Variants in RPS6KC1 observed in about 807,000 individuals in gnomAD.
The protein encoded by RPS6KC1 is ribosomal protein S6 kinase C1.
In RPS6KC1, 54 loss-of-function variants were observed where a neutral mutation model predicts 103.8. The ratio of observed to expected loss-of-function variants is 0.52; its 90% CI spans 0.42 to 0.65. The LOEUF (loss-of-function observed/expected upper bound fraction) is 0.65, where lower values mean the gene tolerates loss of function less well. Among genes scored for constraint, RPS6KC1 ranks in the 30% least tolerant of loss-of-function variants. The pLI, the probability that RPS6KC1 is intolerant of heterozygous loss-of-function variation, is 0.00. For missense variants in RPS6KC1, 1,151 were observed against 1,253.8 expected, an observed-to-expected ratio of 0.92 and a Z score of 1.24; for synonymous variants, 439 against 438.7, an observed-to-expected ratio of 1.00 and a Z score of -0.01.
the RPS6KC1 span, among the ~76,000 whole-genome samples, chr1:213,713,480 C>T: frequency 6.6e-6 from 1 of 152,142 alleles, no homozygotes; most frequent in Non-Finnish European, 1.5e-5. Context: ...TTGTTCATTG[C>T]TTATCAACAT....
chr1:213,097,366 A>T (rs1167550678), intron 3 of RPS6KC1, among the ~76,000 whole-genome samples: 1 of 152,208 alleles, frequency 6.6e-6, no homozygotes, highest in African/African-American at 2.4e-5. Context: ...AATTTTTTTG[A>T]AAGGAATCTT....
intron 6 of RPS6KC1, among the ~76,000 whole-genome samples, chr1:213,138,854 C>T (rs772589444): frequency 3.9e-5 from 6 of 152,116 alleles, no homozygotes; most frequent in Non-Finnish European, 8.8e-5. Context: ...TAATTTGTAT[C>T]TTTGAGCATA....
chr1:213,209,205 C>T (rs1330054907), intron 8 of RPS6KC1, among the ~76,000 whole-genome samples: 1 of 152,144 alleles, frequency 6.6e-6, no homozygotes, highest in East Asian at 1.9e-4. Flanking sequence ...GTTGTTTTCT[C>T]TCAGTAGCCC....
the RPS6KC1 span, among the ~76,000 whole-genome samples, chr1:213,661,453 C>T: frequency 6.6e-6 from 1 of 152,210 alleles, no homozygotes; most frequent in African/African-American, 2.4e-5. Flanking sequence ...CAAAGAGGCA[C>T]TGACCTCGCC....
intron 6 of RPS6KC1, among the ~76,000 whole-genome samples, chr1:213,151,171 T>C (rs2088774036): frequency 8.1e-6 from 1 of 123,620 alleles, no homozygotes. Context: ...GGCGGGGGGC[T>C]GACCCCCCCA....
At chr1:213,317,696 T>C in the RPS6KC1 span, among the ~76,000 whole-genome samples, 1 of 152,186 alleles carries the variant, frequency 6.6e-6, no homozygotes, top group Non-Finnish European at 1.5e-5. Flanking sequence ...GAGTGTGGCA[T>C]TGAGCTAAAA....
chr1:213,857,579 A>T, the RPS6KC1 span, among the ~76,000 whole-genome samples: 1 of 152,294 alleles, frequency 6.6e-6, no homozygotes, highest in East Asian at 1.9e-4. Context: ...GTGGAGTGCA[A>T]CCACTAGGCT....
At chr1:213,758,503 G>A in the RPS6KC1 span, among the ~76,000 whole-genome samples, 15 of 151,736 alleles carry the variant, frequency 9.9e-5, no homozygotes, top group Non-Finnish European at 1.9e-4. Flanking sequence ...ACTTGAACCC[G>A]GGAGGCGGAA....
chr1:213,450,358 C>T, the RPS6KC1 span, among the ~76,000 whole-genome samples: 1 of 149,746 alleles, frequency 6.7e-6, no homozygotes, highest in Non-Finnish European at 1.5e-5. Flanking sequence ...TTTGGATAAC[C>T]ATATTAAATT....
chr1:213,701,147 A>C, the RPS6KC1 span, among the ~76,000 whole-genome samples: 2 of 151,916 alleles, frequency 1.3e-5, no homozygotes, highest in African/African-American at 4.8e-5. Context: ...CTCAGAGAAA[A>C]GGCCTTTAGT....
chr1:213,672,628 A>G, the RPS6KC1 span, among the ~76,000 whole-genome samples: 1 of 152,090 alleles, frequency 6.6e-6, no homozygotes, highest in East Asian at 1.9e-4. Context: ...TCATCATTCT[A>G]GAGTTTTACT....
the RPS6KC1 span, among the ~76,000 whole-genome samples, chr1:213,781,481 A>C: frequency 6.6e-6 from 1 of 152,236 alleles, no homozygotes; most frequent in Non-Finnish European, 1.5e-5. Context: ...AGAAAGACAC[A>C]GAAAAGCTTG....
chr1:213,576,574 C>G, the RPS6KC1 span, among the ~76,000 whole-genome samples: 1 of 151,954 alleles, frequency 6.6e-6, no homozygotes, highest in Non-Finnish European at 1.5e-5. Context: ...CACCACAAAC[C>G]AAACCCATAT....
At chr1:213,412,090 G>C in the RPS6KC1 span, among the ~76,000 whole-genome samples, 1 of 152,214 alleles carries the variant, frequency 6.6e-6, no homozygotes, top group Non-Finnish European at 1.5e-5. Flanking sequence ...GGAAGCCTGG[G>C]TGGGCAGAGG....
At chr1:213,320,072 G>A in the RPS6KC1 span, among the ~76,000 whole-genome samples, 1 of 152,166 alleles carries the variant, frequency 6.6e-6, no homozygotes, top group South Asian at 2.1e-4. Context: ...GTAGAATAAG[G>A]GCATGAGGCT....
the RPS6KC1 span, among the ~76,000 whole-genome samples, chr1:213,852,190 A>T: frequency 7.5e-3 from 1,143 of 152,226 alleles, 22 homozygotes; most frequent in African/African-American, 0.026. Flanking sequence ...CTGTGCTTAA[A>T]ACCCTCTAAC....
the RPS6KC1 span, among the ~76,000 whole-genome samples, chr1:213,520,807 T>G: frequency 3.5e-4 from 54 of 152,354 alleles, no homozygotes; most frequent in African/African-American, 1.2e-3. Flanking sequence ...GAAGGGTGTG[T>G]GCTCTCTTTC....
chr1:213,277,039 A>T (rs554989086), downstream of RPS6KC1, among the ~76,000 whole-genome samples: 1 of 152,356 alleles, frequency 6.6e-6, no homozygotes, highest in South Asian at 2.1e-4. Flanking sequence ...AACCTCTACC[A>T]GTCTAGGTAA....
chr1:213,453,861 C>G, the RPS6KC1 span, among the ~76,000 whole-genome samples: 2 of 152,118 alleles, frequency 1.3e-5, no homozygotes, highest in South Asian at 4.1e-4. Flanking sequence ...TGAACTGTGG[C>G]AGGTCCGCTT....
Sources: allele counts gnomAD v4.1 joint callset (sites outside exome capture counted in the v4.1 genomes callset), GRCh38; gene constraint gnomAD v4.1.1; transcripts MANE v1.5; gene names NCBI Gene and HGNC (gene_info 2026-07-23, HGNC 2026-07-21).